Variants in HLA-DRB5 observed in about 807,000 individuals in gnomAD.
HLA-DRB5 encodes DR beta-5.
A neutral mutation model predicts 22.4 loss-of-function variants in HLA-DRB5; 11 were observed. That is an observed-to-expected ratio of 0.49 (90% CI 0.31 to 0.81). The LOEUF is 0.81. Among genes scored for constraint, HLA-DRB5 ranks in the 40% least tolerant of loss-of-function variants. The probability of loss-of-function intolerance (pLI) is 0.05; values close to 1 mark genes in which losing one functional copy is unlikely to be tolerated. For synonymous variants in HLA-DRB5, 57 were observed against 106.0 expected (o/e 0.54, Z 2.84); for missense variants, 106 against 274.4 (o/e 0.39, Z 4.34).
chr6:32,524,421 C>T (rs73726192), intron 1 of HLA-DRB5, among the ~76,000 whole-genome samples: 78,660 of 100,376 alleles, frequency 0.78, 33,559 homozygotes, highest in Middle Eastern at 0.89. Context: ...AACTAACTCA[C>T]GTCTTTCAGT....
At chr6:32,524,403 A>AAC (rs1769332526) in intron 1 of HLA-DRB5, among the ~76,000 whole-genome samples, 1 of 114,756 alleles carries the variant, frequency 8.7e-6, no homozygotes, top group Admixed American at 9.1e-5. Context: ...ATTCCCATTT[A>AAC]ATGCCCCAAC....
intron 2 of HLA-DRB5, among the ~76,000 whole-genome samples, chr6:32,520,014 C>T (rs200002589): frequency 5.7e-4 from 16 of 27,970 alleles, no homozygotes; most frequent in Admixed American, 1.5e-3. Context: ...AAGAGTTTTT[C>T]GATTCTTCTG....
chr6:32,524,590 G>GCCC (rs1581601516), intron 1 of HLA-DRB5, among the ~76,000 whole-genome samples: 17 of 35,146 alleles, frequency 4.8e-4, no homozygotes, highest in South Asian at 1.6e-3. Context: ...CCCAGACTTT[G>GCCC]TGTAGAGACC....
At chr6:32,529,748 C>T (rs200039841) in intron 1 of HLA-DRB5, among the ~76,000 whole-genome samples, 8,161 of 96,042 alleles carry the variant, frequency 0.085, 118 homozygotes, top group Non-Finnish European at 0.09. Context: ...CCCTTGACTC[C>T]CACAAAATTT....
At chr6:32,524,411 A>C (rs1769334075) in intron 1 of HLA-DRB5, among the ~76,000 whole-genome samples, 1 of 125,284 alleles carries the variant, frequency 8.0e-6, no homozygotes, top group East Asian at 2.2e-4. Flanking sequence ...TTAATGCCCC[A>C]ACTAACTCAC....
intron 1 of HLA-DRB5, among the ~76,000 whole-genome samples, 200 bp downstream of exon 1, chr6:32,529,925 G>A (rs1487469367): frequency 9.4e-6 from 1 of 106,772 alleles, no homozygotes; most frequent in Non-Finnish European, 2.0e-5. Flanking sequence ...CTGTATGGAG[G>A]CCCCTTACAC....
At chr6:32,521,283 C>T (rs1421422449) in intron 2 of HLA-DRB5, among the ~76,000 whole-genome samples, 1 of 50,412 alleles carries the variant, frequency 2.0e-5, no homozygotes, top group Non-Finnish European at 4.1e-5. Flanking sequence ...AAAATATACA[C>T]ACTAAGAAAA....
chr6:32,525,040 G>A (rs1191795197), intron 1 of HLA-DRB5, among the ~76,000 whole-genome samples: 5 of 48,572 alleles, frequency 1.0e-4, no homozygotes, highest in Admixed American at 2.6e-4. Context: ...CAAAATGAAT[G>A]AAAGTTTCTT....
chr6:32,519,158 CCTCTCCTTCCTGCCAGGA>C (rs1212786314), intron 3 of HLA-DRB5, among the ~76,000 whole-genome samples, 194 bp downstream of exon 3: 1,978 of 78,062 alleles, frequency 0.025, 1 homozygote, highest in African/African-American at 0.029. Flanking sequence ...ACAGGGACAG[CCTCTCCTTCCTGCCAGGA>C]ATGACTGCTT....
Position 32,519,488 on chromosome 6 carries a change from C to A in HLA-DRB5, c.534G>T (p.Gln178His), listed in dbSNP as rs139485758. 2,789 of 1,425,162 alleles carry A rather than the reference C, an allele frequency of 2.0e-3. 256 individuals carry two copies. In the East Asian group the frequency reaches 0.025, roughly 13 times the overall value. 88.3% of individuals were successfully genotyped at this position (1,425,162 alleles called of 1,614,324 possible). ...GGGTCTGGAAGGTCCAGTCTCCATT[C>A]TGAATCAGGCCTGTGGACACCACCC... ...KAGVVSTGLI[Q>H]NGDWTFQTLV... Residue 178 changes from glutamine to histidine, a missense_variant, in exon 3 of 6, where the codon CAG (glutamine) becomes CAT (histidine). Coordinates refer to ENST00000374975, the MANE Select transcript of HLA-DRB5 (RefSeq NM_002125.4).
At chr6:32,523,682 A>G (rs76580792) in intron 1 of HLA-DRB5, among the ~76,000 whole-genome samples, 50,152 of 90,364 alleles carry the variant, frequency 0.56, 11,877 homozygotes, top group Middle Eastern at 0.75. Flanking sequence ...TGAAGCTATT[A>G]AACTTGCATT....
chr6:32,524,379 A>T (rs78424672), intron 1 of HLA-DRB5, among the ~76,000 whole-genome samples: 1 of 119,910 alleles, frequency 8.3e-6, no homozygotes, highest in South Asian at 2.7e-4. Flanking sequence ...GTGAATCACA[A>T]CCACAGCTAT....
chr6:32,525,989 G>C (rs879688392), intron 1 of HLA-DRB5, among the ~76,000 whole-genome samples: 2,481 of 58,210 alleles, frequency 0.043, 4 homozygotes, highest in Admixed American at 0.073. Context: ...AATAATGACC[G>C]AGCATCTCTG....
chr6:32,518,934 A>T (rs541670846), intron 3 of HLA-DRB5, among the ~76,000 whole-genome samples: 294 of 60,660 alleles, frequency 4.8e-3, no homozygotes, highest in East Asian at 7.8e-3. Context: ...CAATGAGGTT[A>T]AATAGTTTGT....
intron 1 of HLA-DRB5, 41 bp from the exon 2 acceptor site, chr6:32,522,215 G>C: frequency 1.7e-6 from 1 of 587,714 alleles, no homozygotes; most frequent in Non-Finnish European, 2.5e-6. Flanking sequence ...GGCGGCCTCC[G>C]GGGAAGATAC....
chr6:32,520,294 A>ATGAG lies in HLA-DRB5; in HGVS notation c.371-644_371-643insCTCA, dbSNP rs1768670518. On this transcript the variant is annotated intron_variant, in intron 2 of 5. Transcript: ENST00000374975. Reference sequence around the variant, plus strand: ...TAGATAAAGGGACCGAGTAGGGTACAAAAGGAGACTGAGTATGAATGTTTA... The same window carrying ATGAG: ...TAGATAAAGGGACCGAGTAGGGTACATGAGAAAGGAGACTGAGTATGAATGTTTA... 9.3e-3 allele frequency among the ~76,000 whole-genome samples: 632 copies of ATGAG among 67,788 alleles called. 7 individuals are homozygous for ATGAG. The highest frequency in any genetic ancestry group is 0.011 in the African/African-American group (167 of 15,134). 44.5% of individuals were successfully genotyped at this position (67,788 alleles called of 152,430 possible).
intron 2 of HLA-DRB5, 81 bp from the exon 3 acceptor site, chr6:32,519,732 T>C (rs116181884): frequency 0.068 from 28,399 of 415,154 alleles, 42 homozygotes; most frequent in Admixed American, 0.093. Context: ...TGCTTCTCTG[T>C]AAACCCAGGC....
chr6:32,520,592 C>T (rs1445430900), intron 2 of HLA-DRB5, among the ~76,000 whole-genome samples: 15,741 of 53,700 alleles, frequency 0.29, 3,573 homozygotes, highest in African/African-American at 0.34. Context: ...ACATTTGGAT[C>T]AAGGCAGGCA....
Position 32,527,069 on chromosome 6 carries a change from C to G in HLA-DRB5, c.100+3056G>C, listed in dbSNP as rs1175290641. ...ACAAGGTAAGCAAAATCCACTTTATCTTTTTCACTGTCTTTATCACTAGTG... is the reference window on the plus strand; with the variant it reads ...ACAAGGTAAGCAAAATCCACTTTATGTTTTTCACTGTCTTTATCACTAGTG... On this transcript the variant is annotated intron_variant, in intron 1 of 5. Coordinates refer to ENST00000374975, the MANE Select transcript of HLA-DRB5 (RefSeq NM_002125.4). Among the ~76,000 whole-genome samples the G allele has an allele frequency of 5.5e-3, 98 of 17,804 alleles. 5 individuals are homozygous for G. The highest frequency in any genetic ancestry group is 5.8e-3 in the African/African-American group (28 of 4,842). 11.7% of individuals were successfully genotyped at this position (17,804 alleles called of 152,430 possible).
Sources: allele counts gnomAD v4.1 joint callset (sites outside exome capture counted in the v4.1 genomes callset), GRCh38; gene constraint gnomAD v4.1.1; transcripts MANE v1.5; gene names NCBI Gene and HGNC (gene_info 2026-07-23, HGNC 2026-07-21).